Variants in ALK observed in about 807,000 individuals in gnomAD.
ALK encodes ALK tyrosine kinase receptor.
A neutral mutation model predicts 163.1 loss-of-function variants in ALK; 74 were observed. The ratio of observed to expected loss-of-function variants is 0.45; its 90% CI spans 0.38 to 0.55. The LOEUF is 0.55. Among genes scored for constraint, ALK ranks in the 20% least tolerant of loss-of-function variants. The pLI is 0.00. For missense variants in ALK, 2,063 were observed against 2,105.3 expected, an observed-to-expected ratio of 0.98 and a Z score of 0.39; for synonymous variants, 960 against 843.2, an observed-to-expected ratio of 1.14 and a Z score of -2.40.
chr2:29,464,240 G>C (rs924665552), intron 4 of ALK, among the ~76,000 whole-genome samples: 7 of 152,146 alleles, frequency 4.6e-5, no homozygotes, highest in Non-Finnish European at 7.4e-5. Context: ...AACAGAGATA[G>C]AAGTCAAAGC....
chr2:29,745,613 A>T (rs1024934411), intron 1 of ALK, among the ~76,000 whole-genome samples: 27 of 152,166 alleles, frequency 1.8e-4, no homozygotes, highest in African/African-American at 6.5e-4. Context: ...AATCTTTTTC[A>T]TCCTTTGGAC....
intron 20 of ALK, 113 bp from the exon 21 acceptor site, chr2:29,222,720 G>T (rs1208731151): frequency 4.6e-6 from 4 of 861,130 alleles, no homozygotes; most frequent in African/African-American, 1.7e-5. Flanking sequence ...AGAGGCGGGG[G>T]TAACATACAC....
In ALK at chr2:29,920,247, G is replaced by C; in HGVS notation, c.413C>G (p.Ala138Gly). ...KGGSVRKLRR[A>G]KQLVLELGEE... ...GCCCAGCTCCAGCACCAACTGCTTG[G>C]CACGCCGGAGCTTGCGCACGGAGCC... The change falls in exon 1 of 29, where the codon GCC becomes GGC. Residue 138 changes from alanine (A) to glycine (G), a missense_variant. Ala to Gly is a moderately conservative substitution (Grantham distance 60). Coordinates refer to ENST00000389048, the MANE Select transcript of ALK (RefSeq NM_004304.5). 5 of 1,608,184 alleles carry C rather than the reference G, an allele frequency of 3.1e-6. No homozygotes were observed. The highest frequency in any genetic ancestry group is 4.2e-6 in the Non-Finnish European group (5 of 1,177,956).
chr2:29,570,341 T>C (rs1442004916), intron 3 of ALK, among the ~76,000 whole-genome samples: 2 of 152,366 alleles, frequency 1.3e-5, no homozygotes, highest in South Asian at 2.1e-4. Context: ...AGTGTGTATG[T>C]AGTCATCTGT....
intron 8 of ALK, among the ~76,000 whole-genome samples, chr2:29,304,957 G>C (rs192717297): frequency 6.6e-6 from 1 of 152,284 alleles, no homozygotes; most frequent in Admixed American, 6.5e-5. Context: ...CTAATGTCTG[G>C]GCACCACTCC....
chr2:29,554,628 C>T (rs1673799242), intron 3 of ALK, among the ~76,000 whole-genome samples: 1 of 152,110 alleles, frequency 6.6e-6, no homozygotes, highest in Non-Finnish European at 1.5e-5. Context: ...TTTTTGGTGG[C>T]AATAAATGGC....
At chr2:29,874,856 C>T (rs1666664459) in intron 1 of ALK, among the ~76,000 whole-genome samples, 1 of 152,182 alleles carries the variant, frequency 6.6e-6, no homozygotes, top group African/African-American at 2.4e-5. Context: ...CTTCCCCCTG[C>T]TCATCAAGTG....
chr2:29,555,919 T>A (rs1403279918), intron 3 of ALK, among the ~76,000 whole-genome samples: 1 of 152,202 alleles, frequency 6.6e-6, no homozygotes, highest in South Asian at 2.1e-4. Flanking sequence ...ATTTTGGTTG[T>A]GGTAGAAAAA....
At chr2:29,469,094 T>C (rs12714281) in intron 4 of ALK, among the ~76,000 whole-genome samples, 128,878 of 151,980 alleles carry the variant, frequency 0.85, 54,905 homozygotes, top group Non-Finnish European at 0.9. Flanking sequence ...TTGGAAATAG[T>C]CAACCCTAAT....
intron 4 of ALK, among the ~76,000 whole-genome samples, chr2:29,420,715 T>G (rs1223848225): frequency 1.3e-5 from 2 of 151,554 alleles, no homozygotes; most frequent in Non-Finnish European, 2.9e-5. Flanking sequence ...CAGAGGAGAC[T>G]GCAGGCAACT....
At chr2:29,629,576 T>G (rs1676297734) in intron 3 of ALK, among the ~76,000 whole-genome samples, 1 of 152,230 alleles carries the variant, frequency 6.6e-6, no homozygotes, top group Admixed American at 6.5e-5. Flanking sequence ...CTGTTACACC[T>G]AGCACAGATT....
chr2:29,630,929 T>C (rs138581381), intron 3 of ALK, among the ~76,000 whole-genome samples: 2 of 152,338 alleles, frequency 1.3e-5, no homozygotes, highest in African/African-American at 4.8e-5. Context: ...TTAGCTGCGA[T>C]TTGTATAGCA....
chr2:29,391,205 TAGA>T (rs1208548138), intron 4 of ALK, among the ~76,000 whole-genome samples: 1 of 151,532 alleles, frequency 6.6e-6, no homozygotes, highest in Admixed American at 6.6e-5. Flanking sequence ...GGTAGAGGCA[TAGA>T]AGATGTTCCA....
intron 3 of ALK, among the ~76,000 whole-genome samples, chr2:29,569,362 C>T (rs1194287002): frequency 1.3e-5 from 2 of 152,148 alleles, no homozygotes; most frequent in Non-Finnish European, 2.9e-5. Context: ...ATTCTGCATC[C>T]TTACATAGCC....
At chr2:29,393,005 T>C (rs1487906364) in intron 4 of ALK, among the ~76,000 whole-genome samples, 1 of 151,952 alleles carries the variant, frequency 6.6e-6, no homozygotes, top group African/African-American at 2.4e-5. Context: ...ATGCTCAAGG[T>C]CACTGAGTGT....
At position 29,198,228 on chromosome 2, in the gene ALK, C is replaced by T. The variant is rs182097978; in HGVS notation, c.3939-552G>A. On this transcript the variant is annotated intron_variant, in intron 26 of 28. Coordinates refer to ENST00000389048, the MANE Select transcript of ALK (RefSeq NM_004304.5). ...TGATTTCATAGTCTCTTACAGTTCT[C>T]TGAGCTTCAGTTTCATCTATCAGAT... Among the ~76,000 whole-genome samples, 19 of 152,338 alleles carry T rather than the reference C, an allele frequency of 1.2e-4. No individual in the cohort carries two copies. In the East Asian group the frequency reaches 3.7e-3, roughly 29 times the overall value.
intron 8 of ALK, among the ~76,000 whole-genome samples, chr2:29,312,649 G>A (rs1294500798): frequency 1.3e-5 from 2 of 152,308 alleles, no homozygotes; most frequent in South Asian, 4.1e-4. Context: ...CTTTCTGATA[G>A]GCCCAACATT....
At chr2:29,464,949 T>A (rs1472094431) in intron 4 of ALK, among the ~76,000 whole-genome samples, 1 of 152,072 alleles carries the variant, frequency 6.6e-6, no homozygotes, top group African/African-American at 2.4e-5. Context: ...TAACAGAATA[T>A]CAGTGACAAT....
chr2:29,501,663 G>T (rs944626411), intron 4 of ALK, among the ~76,000 whole-genome samples: 1 of 152,020 alleles, frequency 6.6e-6, no homozygotes. Context: ...TAGCCCTTTT[G>T]AAAACATTTT....
Sources: gnomAD v4.1 joint callset for allele counts (sites outside exome capture counted in the v4.1 genomes callset) on GRCh38, gnomAD v4.1.1 for gene constraint, MANE v1.5 for transcripts, NCBI Gene and HGNC (gene_info 2026-07-23, HGNC 2026-07-21) for gene names.